The following SPMAP2 variants were observed in gnomAD, a reference collection of about 807,000 sequenced individuals.
SPMAP2 encodes sperm microtubule associated protein 2.
the SPMAP2 span, chr19:362,121 C>T: frequency 3.4e-6 from 4 of 1,170,696 alleles, no homozygotes; most frequent in East Asian, 1.1e-4. Context: ...CCCGCCCTCC[C>T]TTCTCCAGGC....
At chr19:367,326 C>T in the SPMAP2 span, 1 of 1,153,612 alleles carries the variant, frequency 8.7e-7, no homozygotes, top group South Asian at 1.7e-5. Context: ...AGACACAAGA[C>T]AGACTGGGAA....
chr19:367,718 G>A, the SPMAP2 span, among the ~76,000 whole-genome samples: 6 of 152,098 alleles, frequency 3.9e-5, no homozygotes, highest in South Asian at 2.1e-4. Flanking sequence ...GGACTCCTGC[G>A]CTTGACCCGA....
the SPMAP2 span, chr19:374,201 G>T: frequency 6.4e-7 from 1 of 1,556,648 alleles, no homozygotes; most frequent in African/African-American, 1.4e-5. Context: ...GCAGCTGGGG[G>T]AGGGGAGCCG....
At chr19:374,156 C>T in the SPMAP2 span, 2 of 1,491,200 alleles carry the variant, frequency 1.3e-6, no homozygotes, top group Non-Finnish European at 1.8e-6. Flanking sequence ...CTTAACTGGC[C>T]AACCCCACCT....
chr19:374,518 C>A, the SPMAP2 span: 1 of 1,513,114 alleles, frequency 6.6e-7, no homozygotes, highest in South Asian at 1.3e-5. Flanking sequence ...CGCCTTTTGT[C>A]TGCACTCACC....
chr19:374,502 C>T, the SPMAP2 span: 2 of 1,579,728 alleles, frequency 1.3e-6, no homozygotes, highest in African/African-American at 1.3e-5. Flanking sequence ...GTGGGTCTTG[C>T]TCAAGCGCCT....
chr19:363,700 A>AT, the SPMAP2 span, among the ~76,000 whole-genome samples: 1 of 146,376 alleles, frequency 6.8e-6, no homozygotes, highest in Admixed American at 6.8e-5. Context: ...CGCCCGACTA[A>AT]TTTTTTGTAT....
the SPMAP2 span, among the ~76,000 whole-genome samples, chr19:370,265 G>C: frequency 6.6e-6 from 1 of 152,132 alleles, no homozygotes; most frequent in Non-Finnish European, 1.5e-5. Flanking sequence ...CAGTAACTGA[G>C]AAATTCCAAT....
the SPMAP2 span, among the ~76,000 whole-genome samples, chr19:364,138 C>A: frequency 6.7e-6 from 1 of 150,300 alleles, no homozygotes; most frequent in African/African-American, 2.4e-5. Flanking sequence ...TCGAGACCAT[C>A]CTGGCTCACA....
chr19:366,588 T>C, the SPMAP2 span, among the ~76,000 whole-genome samples: 1 of 152,168 alleles, frequency 6.6e-6, no homozygotes, highest in Non-Finnish European at 1.5e-5. Flanking sequence ...TATTGTGCAA[T>C]GTGTTCAACA....
chr19:373,438 C>T, the SPMAP2 span: 3 of 1,610,362 alleles, frequency 1.9e-6, no homozygotes, highest in African/African-American at 2.7e-5. Flanking sequence ...CAGCCGGGGG[C>T]AGGGGTCTCA....
chr19:362,023 G>A, the SPMAP2 span: 1 of 450,766 alleles, frequency 2.2e-6, no homozygotes. Context: ...CAATGAAAGT[G>A]ACTCGGAAAA....
chr19:372,622 T>C, the SPMAP2 span: 1 of 1,613,848 alleles, frequency 6.2e-7, no homozygotes, highest in Non-Finnish European at 8.5e-7. Flanking sequence ...CCAGCCCTCC[T>C]TCCCCCACCT....
chr19:373,292 C>T, the SPMAP2 span, among the ~76,000 whole-genome samples: 1 of 152,186 alleles, frequency 6.6e-6, no homozygotes, highest in South Asian at 2.1e-4. Context: ...TCCCCATGCC[C>T]CTCACCCCCA....
chr19:375,759 C>T, the SPMAP2 span: 1 of 1,610,218 alleles, frequency 6.2e-7, no homozygotes, highest in Non-Finnish European at 8.5e-7. Context: ...GAACTCCTCC[C>T]CGGCCACCTC....
chr19:371,828 TA>T, the SPMAP2 span, among the ~76,000 whole-genome samples: 1 of 152,196 alleles, frequency 6.6e-6, no homozygotes, highest in African/African-American at 2.4e-5. Context: ...TGCTCGGAAA[TA>T]AAGCCGCATT....
the SPMAP2 span, among the ~76,000 whole-genome samples, chr19:370,727 A>G: frequency 6.6e-6 from 1 of 152,164 alleles, no homozygotes; most frequent in Non-Finnish European, 1.5e-5. Flanking sequence ...TGGATCGGCA[A>G]ATTCTGGAAT....
chr19:374,186 T>C, the SPMAP2 span: 9 of 1,531,348 alleles, frequency 5.9e-6, no homozygotes, highest in South Asian at 9.6e-5. Context: ...TTGCTGGATG[T>C]GGTGGCAGCT....
chr19:371,270 T>A, the SPMAP2 span: 1 of 1,521,274 alleles, frequency 6.6e-7, no homozygotes, highest in East Asian at 2.5e-5. Context: ...TTCAGGCGAC[T>A]CGACGCTCTG....
Sources: gnomAD v4.1 joint callset for allele counts (sites outside exome capture counted in the v4.1 genomes callset) on GRCh38, gnomAD v4.1.1 for gene constraint, MANE v1.5 for transcripts, NCBI Gene and HGNC (gene_info 2026-07-23, HGNC 2026-07-21) for gene names.